The following CNTN5 variants were observed in gnomAD, a reference collection of about 807,000 sequenced individuals.
CNTN5 encodes contactin-5.
CNTN5 carries 77 observed loss-of-function variants against 129.1 expected under a neutral mutation model. The observed-to-expected ratio is 0.60, with a 90% CI of 0.50 to 0.72. CNTN5 has a LOEUF of 0.72. Among genes scored for constraint, CNTN5 ranks in the 30% least tolerant of loss-of-function variants. CNTN5 has a pLI of 0.00. For synonymous variants in CNTN5, 509 were observed against 465.6 expected (o/e 1.09, Z -1.20); for missense variants, 1,478 against 1,328.8 (o/e 1.11, Z -1.75).
intron 16 of CNTN5, among the ~76,000 whole-genome samples, chr11:100,234,114 G>T (rs1277000344): frequency 6.6e-6 from 1 of 152,176 alleles, no homozygotes; most frequent in Non-Finnish European, 1.5e-5. Context: ...ATGCCAGTTA[G>T]AATGGTGGTC....
At chr11:99,024,642 C>T (rs777297664) in intron 1 of CNTN5, among the ~76,000 whole-genome samples, 6 of 151,980 alleles carry the variant, frequency 3.9e-5, no homozygotes, top group Non-Finnish European at 5.9e-5. Flanking sequence ...ATATTTTTGA[C>T]ATTATACCCT....
At chr11:100,119,698 A>G (rs987450598) in intron 13 of CNTN5, among the ~76,000 whole-genome samples, 1 of 151,938 alleles carries the variant, frequency 6.6e-6, no homozygotes, top group Non-Finnish European at 1.5e-5. Context: ...AAAGAAAAGA[A>G]AAACGGAAAG....
chr11:99,295,745 G>T (rs1244722606), intron 1 of CNTN5, among the ~76,000 whole-genome samples: 1 of 151,590 alleles, frequency 6.6e-6, no homozygotes, highest in South Asian at 2.1e-4. Context: ...GCGCGGTGGC[G>T]GGCGCCTGTA....
chr11:99,984,180 G>T (rs1938528144), intron 8 of CNTN5, among the ~76,000 whole-genome samples: 2 of 152,096 alleles, frequency 1.3e-5, no homozygotes, highest in Admixed American at 1.3e-4. Context: ...GGAAGTCTGA[G>T]TCGAGAGAAT....
intron 2 of CNTN5, among the ~76,000 whole-genome samples, chr11:99,435,664 A>G (rs2135125023): frequency 6.6e-6 from 1 of 152,354 alleles, no homozygotes; most frequent in East Asian, 1.9e-4. Flanking sequence ...AATATGCCAA[A>G]TAACTTGTTT....
At chr11:99,369,195 A>G (rs1939662207) in intron 2 of CNTN5, among the ~76,000 whole-genome samples, 1 of 120,076 alleles carries the variant, frequency 8.3e-6, no homozygotes, top group South Asian at 2.5e-4. Flanking sequence ...ATATAATATA[A>G]CATATAATAT....
intron 18 of CNTN5, among the ~76,000 whole-genome samples, chr11:100,284,279 G>A (rs1369746902): frequency 1.3e-5 from 2 of 152,176 alleles, no homozygotes; most frequent in East Asian, 1.9e-4. Context: ...GTGTAGCAGT[G>A]TCCTTGCCAA....
In CNTN5 at chr11:99,503,232, T is replaced by C. The variant is rs188117318; in HGVS notation, c.-70-52913T>C. Among the ~76,000 whole-genome samples the C allele has an allele frequency of 3.9e-5, 6 of 152,290 alleles. No homozygotes were observed. The East Asian group carries it at 1.2e-3, about 29-fold the overall frequency. ...GTGTTTTGTCATTCCATGCCCACCA[T>C]GTTCGCATACACTAATTACTAGAAT... On this transcript the variant is annotated intron_variant, in intron 2 of 24. Coordinates refer to ENST00000524871, the MANE Select transcript of CNTN5 (RefSeq NM_014361.4).
intron 8 of CNTN5, among the ~76,000 whole-genome samples, chr11:99,958,800 T>C (rs755292447): frequency 6.6e-6 from 1 of 152,198 alleles, no homozygotes; most frequent in South Asian, 2.1e-4. Flanking sequence ...TTATAACTTT[T>C]TTGGCTAACA....
chr11:100,176,792 T>C (rs1262777559), intron 13 of CNTN5, among the ~76,000 whole-genome samples: 1 of 152,014 alleles, frequency 6.6e-6, no homozygotes, highest in African/African-American at 2.4e-5. Context: ...CTAATTCTAA[T>C]TTGAAACTAC....
At chr11:100,234,429 T>C (rs767884398) in intron 16 of CNTN5, among the ~76,000 whole-genome samples, 1 of 151,884 alleles carries the variant, frequency 6.6e-6, no homozygotes, top group Non-Finnish European at 1.5e-5. Flanking sequence ...ATAAAGAAAA[T>C]GTGGCATATA....
chr11:99,455,552 T>C (rs1944467185), intron 2 of CNTN5, among the ~76,000 whole-genome samples: 1 of 152,016 alleles, frequency 6.6e-6, no homozygotes, highest in Non-Finnish European at 1.5e-5. Context: ...CGAAATCAAA[T>C]TCTAAGAGGA....
At position 100,339,814 on chromosome 11, in the gene CNTN5, G is replaced by A. The variant is rs561791213; in HGVS notation, c.2731-649G>A. Among the ~76,000 whole-genome samples the A allele has an allele frequency of 5.9e-5, 9 of 152,280 alleles. No homozygotes were observed. The South Asian group carries it at 1.9e-3, about 32-fold the overall frequency. On this transcript the variant is annotated intron_variant, in intron 21 of 24. Transcript: ENST00000524871. ...GTGGGACAGTCATTGATCTCACAAA[G>A]GGATGGAGTTTGCTGAAGCCAGTTA... is the stretch of plus-strand genomic sequence containing the variant.
At chr11:99,080,209 T>G (rs2135278815) in intron 1 of CNTN5, among the ~76,000 whole-genome samples, 1 of 151,674 alleles carries the variant, frequency 6.6e-6, no homozygotes, top group Non-Finnish European at 1.5e-5. Context: ...TAAAGTGGAG[T>G]TCAAGTTATT....
intron 9 of CNTN5, among the ~76,000 whole-genome samples, chr11:100,036,276 G>GATTA (rs755951694): frequency 0.079 from 11,998 of 151,734 alleles, 459 homozygotes; most frequent in East Asian, 0.18. Context: ...TCAGATAGCT[G>GATTA]TAGATATGCG....
intron 6 of CNTN5, among the ~76,000 whole-genome samples, chr11:99,846,141 C>CAA (rs1231155162): frequency 6.6e-6 from 1 of 150,938 alleles, no homozygotes; most frequent in Non-Finnish European, 1.5e-5. Flanking sequence ...CACACACACA[C>CAA]ACACACACAC....
At chr11:99,313,723 A>G (rs188439448) in intron 1 of CNTN5, among the ~76,000 whole-genome samples, 1 of 152,252 alleles carries the variant, frequency 6.6e-6, no homozygotes, top group Admixed American at 6.5e-5. Flanking sequence ...CATGATTAAA[A>G]TTCTATTTAA....
At chr11:99,351,350 C>CA (rs1197040890) in intron 2 of CNTN5, among the ~76,000 whole-genome samples, 1 of 152,150 alleles carries the variant, frequency 6.6e-6, no homozygotes, top group East Asian at 1.9e-4. Context: ...CTAATGCTTA[C>CA]AGAGTCTGAA....
chr11:99,375,197 GGAGGCT>G (rs1940092018), intron 2 of CNTN5, among the ~76,000 whole-genome samples: 1 of 151,096 alleles, frequency 6.6e-6, no homozygotes, highest in Non-Finnish European at 1.5e-5. Flanking sequence ...CAGCTACTCG[GGAGGCT>G]GAGGCACGAG....
Sources: allele counts gnomAD v4.1 joint callset (sites outside exome capture counted in the v4.1 genomes callset), GRCh38; gene constraint gnomAD v4.1.1; transcripts MANE v1.5; gene names NCBI Gene and HGNC (gene_info 2026-07-23, HGNC 2026-07-21).